KRT36: variants seen among roughly 807,000 people sequenced by gnomAD.
The protein encoded by KRT36 is keratin 36.
KRT36 carries 41 observed loss-of-function variants against 43.0 expected under a neutral mutation model. The ratio of observed to expected loss-of-function variants is 0.95; its 90% CI spans 0.74 to 1.24. The LOEUF is 1.24. KRT36 is among the 50% of genes most tolerant of loss of function. The pLI, the probability that KRT36 is intolerant of heterozygous loss-of-function variation, is 0.00. For missense variants in KRT36, 627 were observed against 595.3 expected, an observed-to-expected ratio of 1.05 and a Z score of -0.55; for synonymous variants, 277 against 252.9, an observed-to-expected ratio of 1.10 and a Z score of -0.90.
chr17:41,488,796 G>T (rs12451215), intron 1 of KRT36, 72 bp from the exon 2 acceptor site: 1 of 1,230,314 alleles, frequency 8.1e-7, no homozygotes, highest in Non-Finnish European at 1.2e-6. Context: ...GGATAGCTCA[G>T]CTCACAGAGG....
In KRT36 at chr17:41,488,230, G is replaced by A. The variant is rs763869428; in HGVS notation, c.699+13C>T. Reference sequence around the variant, plus strand: ...ATGGGAAACACTGGGAAGTCACATGGCACCAGCCTCACCTCCTCGTGATTC... The same window carrying A: ...ATGGGAAACACTGGGAAGTCACATGACACCAGCCTCACCTCCTCGTGATTC... On this transcript the variant is annotated intron_variant, in intron 3 of 6. Transcript: ENST00000328119. 3 of 1,611,100 alleles carry A rather than the reference G, an allele frequency of 1.9e-6. No homozygotes were observed. In the Admixed American group the frequency reaches 5.0e-5, roughly 27 times the overall value.
chr17:41,488,033 C>T (rs1904454555), intron 3 of KRT36, among the ~76,000 whole-genome samples: 1 of 152,232 alleles, frequency 6.6e-6, no homozygotes, highest in African/African-American at 2.4e-5. Context: ...CTTAGGCAAG[C>T]AACTTAACCT....
rs1904472820 is a variant in KRT36 at position 41,488,622 on chromosome 17, C to A, written c.542+20G>T. ...GCAAGGGAGTGGCATGGCAAACCTT[C>A]CCTGATCAGGCCCACTCACTTGGTC... On this transcript the variant is annotated intron_variant, in intron 2 of 6. Coordinates refer to ENST00000328119, the MANE Select transcript of KRT36 (RefSeq NM_003771.5). The A allele has an allele frequency of 6.2e-7, 1 of 1,612,286 alleles. No homozygotes were observed. The highest frequency in any genetic ancestry group is 1.3e-5 in the African/African-American group (1 of 74,886).
intron 5 of KRT36, 78 bp downstream of exon 5, chr17:41,487,273 G>T: frequency 6.3e-7 from 1 of 1,579,542 alleles, no homozygotes; most frequent in Non-Finnish European, 8.6e-7. Flanking sequence ...CACACCCCAT[G>T]AGAGCCTGCA....
At position 41,489,520 on chromosome 17, in the gene KRT36, C is replaced by A. The variant is rs768499584; in HGVS notation, c.345G>T (p.Glu115Asp). Residue 115 changes from glutamate (E) to aspartate (D), a missense_variant, in exon 1 of 7, where the codon GAG (glutamate) becomes GAT (aspartate). By Grantham distance (45) the Glu-to-Asp change is conservative (BLOSUM62 2). Transcript: ENST00000328119. Reference protein sequence around the residue: ...ANYLEKVRQLERENAELESRI... With the variant: ...ANYLEKVRQLDRENAELESRI... The stretch of plus-strand genomic sequence containing the variant: ...GGCTCTCCAGCTCCGCGTTCTCCCG[C>A]TCCAGCTGACGCACCTTCTCCAGGT... 2.5e-6 allele frequency: 4 copies of A among 1,614,114 alleles called. No individual in the cohort carries two copies. The Admixed American group carries it at 6.7e-5, about 27-fold the overall frequency.
chr17:41,487,051 C>G lies in KRT36; in HGVS notation c.1107G>C (p.Leu369=), dbSNP rs144657709. 2.5e-6 allele frequency: 4 copies of G among 1,614,118 alleles called. No individual in the cohort carries two copies. In the African/African-American group the frequency reaches 5.3e-5, roughly 22 times the overall value. The part of the protein sequence containing the change: ...EAQLSEIRCD[L]ERQNQEYQVL... ...CCTGGTACTCCTGGTTCTGCCGCTC[C>G]AGGTCGCAGCGGATCTCAGACAGCT... The change falls in exon 6 of 7, where the codon CTG becomes CTC. Residue 369 remains leucine, a synonymous_variant. Transcript: ENST00000328119.
chr17:41,487,304 G>A, intron 5 of KRT36, 47 bp downstream of exon 5: 1 of 1,595,136 alleles, frequency 6.3e-7, no homozygotes, highest in Non-Finnish European at 8.5e-7. Context: ...GGTGCGTCGG[G>A]GACCTGCCAC....
In KRT36 at chr17:41,487,149, G is replaced by C. The variant is rs1597754238; in HGVS notation, c.1009C>G (p.Leu337Val). 1.2e-6 allele frequency: 2 copies of C among 1,613,620 alleles called. No individual in the cohort carries two copies. Among genetic ancestry groups the C allele is most frequent in the African/African-American group, 2.7e-5 (2 of 75,066 alleles). The stretch of plus-strand genomic sequence containing the variant: ...CTGTAGCGGGCCTCGGTTTCGGCCA[G>C]GGTGGATTCCAAGGAATTCCGCTGC... ...HSMRNSLESTLAETEARYSSQ... is the reference protein window; with the variant it reads ...HSMRNSLESTVAETEARYSSQ... Residue 337 changes from leucine (L) to valine (V), a missense_variant, in exon 6 of 7, where the codon CTG (leucine) becomes GTG (valine). By Grantham distance (32) the Leu-to-Val change is conservative. Transcript: ENST00000328119.
At chr17:41,488,966 G>T (rs1162458407) in intron 1 of KRT36, among the ~76,000 whole-genome samples, 1 of 152,136 alleles carries the variant, frequency 6.6e-6, no homozygotes, top group Admixed American at 6.5e-5. Context: ...GATACACCAG[G>T]GTGAGGCAGA....
At chr17:41,488,809 A>G (rs1904481427) in intron 1 of KRT36, 85 bp from the exon 2 acceptor site, 2 of 1,111,680 alleles carry the variant, frequency 1.8e-6, no homozygotes, top group Non-Finnish European at 2.7e-6. Context: ...CACAGAGGCC[A>G]TGCCACTGTG....
rs529638648 is a variant in KRT36, at chr17:41,488,336, G to C, written c.606C>G (p.Ile202Met). The C allele has an allele frequency of 6.2e-7, 1 of 1,614,132 alleles. No homozygotes were observed. Among genetic ancestry groups the C allele is most frequent in the East Asian group, 2.2e-5 (1 of 44,878 alleles). ...VEADINGLRR[I>M]LDELTLCKAD... ...CCTTGCACAGGGTCAGCTCATCCAGGATCCTACGCAGGCCGTTGATGTCGG... is the reference window on the plus strand; with the variant it reads ...CCTTGCACAGGGTCAGCTCATCCAGCATCCTACGCAGGCCGTTGATGTCGG... The change falls in exon 3 of 7, where the codon ATC (isoleucine) becomes ATG (methionine). Residue 202 changes from isoleucine to methionine, a missense_variant. Coordinates refer to ENST00000328119, the MANE Select transcript of KRT36 (RefSeq NM_003771.5).
Position 41,487,372 on chromosome 17 carries a change from C to CTAG in KRT36, c.965_966insCTA (p.Glu322delinsAspTer). ...TCACCATGCTGTGCTGAGCCTGCAG[C>CTAG]TCAATCTCTAGCGCGTTGACCGTAC... On this transcript the variant is annotated stop_gained and protein_altering_variant, in exon 5 of 7. Coordinates refer to ENST00000328119, the MANE Select transcript of KRT36 (RefSeq NM_003771.5). LOFTEE classifies it high-confidence loss of function. The CTAG allele has an allele frequency of 6.2e-7, 1 of 1,612,364 alleles. No individual in the cohort carries two copies. Among genetic ancestry groups the CTAG allele is most frequent in the South Asian group, 1.1e-5 (1 of 90,956 alleles).
chr17:41,486,501 A>G lies in KRT36; in HGVS notation c.1279T>C (p.Cys427Arg). The G allele has an allele frequency of 6.2e-7, 1 of 1,612,600 alleles. No homozygotes were observed. Among genetic ancestry groups the G allele is most frequent in the Non-Finnish European group, 8.5e-7 (1 of 1,179,404 alleles). The change falls in exon 7 of 7, where the codon TGT becomes CGT. Residue 427 changes from cysteine to arginine, a missense_variant. Transcript: ENST00000328119. ...GGGGTGCAGGGCACAGAGGGGACAC[A>G]GGGCACCGGGGGGACAGAAGGAACT... ...IRVPSVPPVP[C>R]VPSVPCTPAP...
chr17:41,487,295 G>A, intron 5 of KRT36, 56 bp downstream of exon 5: 2 of 1,584,920 alleles, frequency 1.3e-6, no homozygotes, highest in East Asian at 2.3e-5. Context: ...GCTGAGGCTG[G>A]TGCGTCGGGG....
rs747177051 is a variant in KRT36 at position 41,487,046 on chromosome 17, C to G, written c.1112G>C (p.Arg371Pro). 1.9e-6 allele frequency: 3 copies of G among 1,614,230 alleles called. No homozygotes were observed. The highest frequency in any genetic ancestry group is 2.5e-6 in the Non-Finnish European group (3 of 1,180,042). The change falls in exon 6 of 7, where the codon CGG becomes CCG. Residue 371 changes from arginine to proline, a missense_variant. Arg to Pro is a moderately radical substitution (Grantham distance 103). Coordinates refer to ENST00000328119, the MANE Select transcript of KRT36 (RefSeq NM_003771.5). ...TAACACCTGGTACTCCTGGTTCTGC[C>G]GCTCCAGGTCGCAGCGGATCTCAGA... ...QLSEIRCDLERQNQEYQVLLD... is the reference protein window; with the variant it reads ...QLSEIRCDLEPQNQEYQVLLD...
In KRT36 at chr17:41,488,629, C is replaced by T. The variant is rs767527377; in HGVS notation, c.542+13G>A. ...AGTGGCATGGCAAACCTTCCCTGAT[C>T]AGGCCCACTCACTTGGTCCGGAAGT... is the stretch of plus-strand genomic sequence containing the variant. On this transcript the variant is annotated intron_variant, in intron 2 of 6. Coordinates refer to ENST00000328119, the MANE Select transcript of KRT36 (RefSeq NM_003771.5). 8 of 1,613,482 alleles carry T rather than the reference C, an allele frequency of 5.0e-6. No individual in the cohort carries two copies. Among genetic ancestry groups the T allele is most frequent in the Non-Finnish European group, 1.7e-6 (2 of 1,179,412 alleles).
rs758428071 is a variant in KRT36, at chr17:41,489,622, C to T, written c.243G>A (p.Gly81=). The T allele has an allele frequency of 6.2e-7, 1 of 1,614,160 alleles. No homozygotes were observed. Among genetic ancestry groups the T allele is most frequent in the African/African-American group, 1.3e-5 (1 of 75,036 alleles). The change falls in exon 1 of 7, where the codon GGG becomes GGA. Residue 81 remains glycine, a synonymous_variant. Coordinates refer to ENST00000328119, the MANE Select transcript of KRT36 (RefSeq NM_003771.5). ...ECHTSGFVGS[G]GWFCEGSFNG... is the part of the protein sequence containing the mutation. ...TGAAGGAGCCCTCGCAGAACCAGCC[C>T]CCGCTCCCCACAAAGCCAGAGGTGT...
chr17:41,486,924 C>T (rs1427159534), intron 6 of KRT36, 26 bp downstream of exon 6: 1 of 1,601,328 alleles, frequency 6.2e-7, no homozygotes, highest in Admixed American at 1.7e-5. Flanking sequence ...TCAGTCAAGC[C>T]CTACCCCAGC....
Position 41,487,020 on chromosome 17 carries a change from G to A in KRT36, c.1138C>T (p.Leu380=), listed in dbSNP as rs1010658921. The stretch of plus-strand genomic sequence containing the variant: ...CCCTCCAGCCGGGCCTTGACGTCCA[G>A]TAACACCTGGTACTCCTGGTTCTGC... ...ERQNQEYQVL[L]DVKARLEGEI... The change falls in exon 6 of 7, where the codon CTG becomes TTG. Residue 380 remains leucine (L), a synonymous_variant. Transcript: ENST00000328119. The A allele has an allele frequency of 6.2e-7, 1 of 1,614,164 alleles. No homozygotes were observed. The highest frequency in any genetic ancestry group is 2.2e-5 in the East Asian group (1 of 44,868).
Sources: gnomAD v4.1 joint callset for allele counts (sites outside exome capture counted in the v4.1 genomes callset) on GRCh38, gnomAD v4.1.1 for gene constraint, MANE v1.5 for transcripts, NCBI Gene and HGNC (gene_info 2026-07-23, HGNC 2026-07-21) for gene names.